PGS1: variants seen among roughly 807,000 people sequenced by gnomAD.
PGS1 encodes the protein phosphatidylglycerophosphate synthase 1.
In PGS1, 44 loss-of-function variants were observed where a neutral mutation model predicts 58.3. That is an observed-to-expected ratio of 0.75 (90% CI 0.59 to 0.97). The LOEUF (loss-of-function observed/expected upper bound fraction) is 0.97. Ranked by LOEUF, PGS1 falls within the 50% of genes least tolerant of loss-of-function variation. The pLI is 0.00. For synonymous variants in PGS1, 330 were observed against 311.0 expected (o/e 1.06, Z -0.64); for missense variants, 684 against 731.1 (o/e 0.94, Z 0.74).
At chr17:78,410,066 G>C (rs913638723) in intron 7 of PGS1, among the ~76,000 whole-genome samples, 34 of 152,054 alleles carry the variant, frequency 2.2e-4, no homozygotes, top group Admixed American at 8.5e-4. Context: ...AGCTGAGCTC[G>C]TGCCACTGTA....
At chr17:78,423,357 G>A (rs1400121286) in intron 9 of PGS1, among the ~76,000 whole-genome samples, 4 of 152,192 alleles carry the variant, frequency 2.6e-5, no homozygotes, top group African/African-American at 7.2e-5. Flanking sequence ...GGGCTTGGGT[G>A]TGTTTCCTTA....
chr17:78,409,232 G>A (rs188795107), intron 7 of PGS1, among the ~76,000 whole-genome samples: 1 of 152,360 alleles, frequency 6.6e-6, no homozygotes, highest in Admixed American at 6.5e-5. Flanking sequence ...TCTGCCCTCC[G>A]GCGTGCATTT....
intron 1 of PGS1, among the ~76,000 whole-genome samples, chr17:78,389,845 A>T (rs1037084294): frequency 6.6e-6 from 1 of 150,992 alleles, no homozygotes; most frequent in East Asian, 2.0e-4. Flanking sequence ...TGAACTCCTG[A>T]CCTCAAGTTT....
At chr17:78,392,975 T>A (rs2082935966) in intron 2 of PGS1, among the ~76,000 whole-genome samples, 1 of 152,166 alleles carries the variant, frequency 6.6e-6, no homozygotes, top group Non-Finnish European at 1.5e-5. Flanking sequence ...CCCAGATGGG[T>A]CTTGAACCAC....
intron 2 of PGS1, among the ~76,000 whole-genome samples, chr17:78,396,027 A>C (rs1302782563): frequency 6.6e-6 from 1 of 152,268 alleles, no homozygotes; most frequent in Non-Finnish European, 1.5e-5. Flanking sequence ...GGCGTGAGCC[A>C]CTACACCCAG....
chr17:78,422,067 C>T (rs1411674684), intron 9 of PGS1, among the ~76,000 whole-genome samples: 1 of 152,230 alleles, frequency 6.6e-6, no homozygotes, highest in African/African-American at 2.4e-5. Context: ...TATGTGTGGA[C>T]TAGATTACTT....
intron 9 of PGS1, chr17:78,422,058 A>T (rs1398457013): frequency 1.3e-5 from 2 of 152,242 alleles, no homozygotes; most frequent in Non-Finnish European, 2.9e-5. Flanking sequence ...CACAATATGT[A>T]TGTGTGGACT....
intron 1 of PGS1, among the ~76,000 whole-genome samples, chr17:78,384,158 A>C (rs1316030916): frequency 6.6e-6 from 1 of 152,202 alleles, no homozygotes; most frequent in African/African-American, 2.4e-5. Flanking sequence ...GGCTAAGCCA[A>C]GGGGAGAGTC....
rs777511001 is a variant in PGS1 at position 78,414,873 on chromosome 17, C to T, written c.1403-6C>T. Reference sequence around the variant, plus strand: ...TTCCTGTCTGCACGTTTCCTTTTCCCCGCAGGCCTCTGGCTGTACCTGGCA... The same window carrying T: ...TTCCTGTCTGCACGTTTCCTTTTCCTCGCAGGCCTCTGGCTGTACCTGGCA... On this transcript the variant is annotated splice_polypyrimidine_tract_variant and splice_region_variant and intron_variant, in intron 7 of 9. Transcript: ENST00000262764. 1 of 1,613,910 alleles carries T rather than the reference C, an allele frequency of 6.2e-7. No homozygotes were observed. The highest frequency in any genetic ancestry group is 8.5e-7 in the Non-Finnish European group (1 of 1,179,822).
chr17:78,409,243 C>T (rs943056480), intron 7 of PGS1, among the ~76,000 whole-genome samples: 2 of 152,256 alleles, frequency 1.3e-5, no homozygotes, highest in African/African-American at 2.4e-5. Context: ...GCGTGCATTT[C>T]ATGAGGAAGA....
chr17:78,416,025 T>G (rs745633798), intron 8 of PGS1, among the ~76,000 whole-genome samples: 3 of 152,214 alleles, frequency 2.0e-5, no homozygotes, highest in African/African-American at 2.4e-5. Context: ...CCTTTGTTGA[T>G]GGACGAGGAA....
At chr17:78,398,406 C>A in intron 4 of PGS1, 55 bp downstream of exon 4, 1 of 1,199,150 alleles carries the variant, frequency 8.3e-7, no homozygotes, top group Non-Finnish European at 1.2e-6. Context: ...TCCTCAGTCC[C>A]AAGAGGGGTT....
chr17:78,396,435 A>C, intron 3 of PGS1, 50 bp downstream of exon 3: 1 of 1,300,510 alleles, frequency 7.7e-7, no homozygotes, highest in East Asian at 2.4e-5. Context: ...ATGGGCCCCA[A>C]CATGCCACAG....
At position 78,394,173 on chromosome 17, in the gene PGS1, C is replaced by CAAAAAA. The variant is rs1567955367; in HGVS notation, c.333+1529_333+1534dup. ...GGCAACAGAGCGAGACTCTATCTCC[C>CAAAAAA]AAAAAAAAAAAAAAAAAAAAAAAAA... On this transcript the variant is annotated intron_variant, in intron 2 of 9. Transcript: ENST00000262764. 1.8e-4 allele frequency among the ~76,000 whole-genome samples: 7 copies of CAAAAAA among 38,510 alleles called. 2 individuals are homozygous for CAAAAAA. Among genetic ancestry groups the CAAAAAA allele is most frequent in the African/African-American group, 3.5e-4 (5 of 14,226 alleles). The allele number at this position is 38,510 out of a possible 152,430, so 25.3% of individuals were successfully genotyped here. A position where few individuals can be genotyped will look rare whatever the true frequency, so the allele number is the denominator to read the frequency against.
chr17:78,391,018 G>A (rs890282138), intron 1 of PGS1, among the ~76,000 whole-genome samples: 58 of 152,052 alleles, frequency 3.8e-4, no homozygotes, highest in African/African-American at 1.3e-3. Flanking sequence ...TCAGCTCACT[G>A]CAATCTCCGC....
At chr17:78,379,683 C>T (rs894601226) in intron 1 of PGS1, among the ~76,000 whole-genome samples, 117 of 151,902 alleles carry the variant, frequency 7.7e-4, no homozygotes, top group African/African-American at 2.8e-3. Flanking sequence ...ATTAGCTGGG[C>T]ATGGTGGTGC....
At chr17:78,409,362 A>T (rs1172373326) in intron 7 of PGS1, among the ~76,000 whole-genome samples, 1 of 152,250 alleles carries the variant, frequency 6.6e-6, no homozygotes, top group Non-Finnish European at 1.5e-5. Context: ...GGATTAAGAG[A>T]TTTCTGGCTC....
intron 9 of PGS1, among the ~76,000 whole-genome samples, chr17:78,423,353 G>C (rs1485556962): frequency 6.6e-6 from 1 of 152,184 alleles, no homozygotes; most frequent in African/African-American, 2.4e-5. Flanking sequence ...GCGGGGGCTT[G>C]GGTGTGTTTC....
At chr17:78,385,880 G>C (rs2082350109) in intron 1 of PGS1, among the ~76,000 whole-genome samples, 1 of 152,214 alleles carries the variant, frequency 6.6e-6, no homozygotes, top group African/African-American at 2.4e-5. Context: ...GGGCTGCCTG[G>C]GTGGCTAAGC....
Sources: gnomAD v4.1 joint callset for allele counts (sites outside exome capture counted in the v4.1 genomes callset) on GRCh38, gnomAD v4.1.1 for gene constraint, MANE v1.5 for transcripts, NCBI Gene and HGNC (gene_info 2026-07-23, HGNC 2026-07-21) for gene names.